Variants in EPHA6 observed in about 807,000 individuals in gnomAD.
EPHA6 encodes the protein EPH receptor A6.
In EPHA6, 50 loss-of-function variants were observed where a neutral mutation model predicts 112.0. The ratio of observed to expected loss-of-function variants is 0.45; its 90% CI spans 0.36 to 0.56. The LOEUF is 0.56. Among genes scored for constraint, EPHA6 ranks in the 20% least tolerant of loss-of-function variants. The probability of loss-of-function intolerance (pLI) is 0.00; values close to 1 mark genes in which losing one functional copy is unlikely to be tolerated. For missense variants in EPHA6, 1,280 were observed against 1,417.4 expected, an observed-to-expected ratio of 0.90 and a Z score of 1.56; for synonymous variants, 529 against 490.7, an observed-to-expected ratio of 1.08 and a Z score of -1.03.
chr3:97,469,474 T>A (rs1487852310), intron 7 of EPHA6, among the ~76,000 whole-genome samples: 1 of 151,788 alleles, frequency 6.6e-6, no homozygotes, highest in South Asian at 2.1e-4. Context: ...TTTGTTTTTG[T>A]CTTGCTTTCT....
chr3:97,386,174 G>A (rs2086056613), intron 5 of EPHA6, among the ~76,000 whole-genome samples: 2 of 152,118 alleles, frequency 1.3e-5, no homozygotes, highest in African/African-American at 4.8e-5. Context: ...CTATGAGCCT[G>A]AGAAATAAAA....
intron 3 of EPHA6, among the ~76,000 whole-genome samples, chr3:97,028,432 G>A (rs1322937436): frequency 6.6e-6 from 1 of 152,044 alleles, no homozygotes; most frequent in East Asian, 1.9e-4. Context: ...TCTTTAATAG[G>A]TGGTATGATC....
intron 3 of EPHA6, among the ~76,000 whole-genome samples, chr3:97,083,666 A>T (rs1470633646): frequency 6.6e-6 from 1 of 151,940 alleles, no homozygotes; most frequent in Admixed American, 6.6e-5. Context: ...AGTATTACCT[A>T]CAAATGAATG....
intron 2 of EPHA6, among the ~76,000 whole-genome samples, chr3:96,899,731 T>C (rs1167447021): frequency 6.6e-6 from 1 of 152,228 alleles, no homozygotes; most frequent in Non-Finnish European, 1.5e-5. Context: ...GTATTTTATT[T>C]ATAAGCAGTA....
intron 3 of EPHA6, among the ~76,000 whole-genome samples, chr3:97,093,186 C>A (rs561771480): frequency 6.6e-6 from 1 of 152,256 alleles, no homozygotes; most frequent in East Asian, 1.9e-4. Context: ...TGGTGGATAT[C>A]TAGCCATCTT....
chr3:97,601,301 C>G (rs1405184953), intron 12 of EPHA6, among the ~76,000 whole-genome samples: 1 of 152,056 alleles, frequency 6.6e-6, no homozygotes, highest in East Asian at 1.9e-4. Flanking sequence ...TCAGTATTTA[C>G]TATTTGTGCT....
At chr3:97,138,214 T>C (rs2075811535) in intron 3 of EPHA6, among the ~76,000 whole-genome samples, 1 of 152,128 alleles carries the variant, frequency 6.6e-6, no homozygotes. Flanking sequence ...CTAGACTGTC[T>C]GAGGAAGCTG....
chr3:97,455,606 T>C (rs1204247580), intron 7 of EPHA6, among the ~76,000 whole-genome samples: 2 of 152,086 alleles, frequency 1.3e-5, no homozygotes, highest in Non-Finnish European at 2.9e-5. Flanking sequence ...TGCCTTAGCA[T>C]AATGTCTTTG....
At chr3:96,978,460 T>C (rs2042619988) in intron 2 of EPHA6, among the ~76,000 whole-genome samples, 1 of 152,182 alleles carries the variant, frequency 6.6e-6, no homozygotes, top group Non-Finnish European at 1.5e-5. Flanking sequence ...CTACTAATGT[T>C]ATATTTTATG....
intron 10 of EPHA6, among the ~76,000 whole-genome samples, chr3:97,506,011 T>A (rs1356285156): frequency 1.3e-5 from 2 of 152,242 alleles, no homozygotes; most frequent in Non-Finnish European, 2.9e-5. Context: ...GTTCATATCC[T>A]TTGCCCACGT....
At position 96,829,949 on chromosome 3, in the gene EPHA6, G is replaced by GCGCACACACA. The variant is rs373416797; in HGVS notation, c.385+14942_385+14943insGCACACACAC. Among the ~76,000 whole-genome samples, 267 of 136,064 alleles carry GCGCACACACA rather than the reference G, an allele frequency of 2.0e-3. 1 individual carries two copies. Among genetic ancestry groups the GCGCACACACA allele is most frequent in the Middle Eastern group, 7.8e-3 (2 of 258 alleles). 89.3% of individuals were successfully genotyped at this position (136,064 alleles called of 152,430 possible). A position where few individuals can be genotyped will look rare whatever the true frequency, so the allele number is the denominator to read the frequency against. On this transcript the variant is annotated intron_variant, in intron 1 of 17. Coordinates refer to ENST00000389672, the MANE Select transcript of EPHA6 (RefSeq NM_001080448.3). ...CATGCACGTGCATGTGCGCGCGCGC[G>GCGCACACACA]CACACACACACACACACACACACAC... is the stretch of plus-strand genomic sequence containing the variant.
chr3:97,088,058 A>G (rs929861840), intron 3 of EPHA6, among the ~76,000 whole-genome samples: 3 of 151,876 alleles, frequency 2.0e-5, no homozygotes, highest in Non-Finnish European at 4.4e-5. Flanking sequence ...GCGTGCACCT[A>G]TAGTCCCAGC....
At chr3:97,695,589 C>T (rs546267940) in intron 14 of EPHA6, among the ~76,000 whole-genome samples, 11 of 152,232 alleles carry the variant, frequency 7.2e-5, no homozygotes, top group Admixed American at 5.9e-4. Context: ...TCACCAGGCC[C>T]GAATGCAGTG....
At chr3:97,058,864 A>G (rs1422547042) in intron 3 of EPHA6, among the ~76,000 whole-genome samples, 1 of 152,194 alleles carries the variant, frequency 6.6e-6, no homozygotes, top group African/African-American at 2.4e-5. Flanking sequence ...TATATTTTAT[A>G]TGCAAAGTGA....
intron 5 of EPHA6, among the ~76,000 whole-genome samples, chr3:97,258,400 A>G (rs1198854305): frequency 6.6e-6 from 1 of 152,090 alleles, no homozygotes; most frequent in Non-Finnish European, 1.5e-5. Flanking sequence ...CAGGACATCA[A>G]CAATAAGCAT....
chr3:97,282,084 T>C (rs1346231934), intron 5 of EPHA6, among the ~76,000 whole-genome samples: 2 of 152,204 alleles, frequency 1.3e-5, no homozygotes, highest in Non-Finnish European at 2.9e-5. Flanking sequence ...AGTTCAGTAA[T>C]TGAACACATT....
chr3:97,101,355 C>T (rs768293399), intron 3 of EPHA6, among the ~76,000 whole-genome samples: 4 of 151,948 alleles, frequency 2.6e-5, no homozygotes, highest in Non-Finnish European at 4.4e-5. Flanking sequence ...AAATCTAGTT[C>T]CTTTGTCCCC....
intron 3 of EPHA6, chr3:96,994,137 T>C: frequency 3.7e-6 from 1 of 268,334 alleles, no homozygotes; most frequent in Non-Finnish European, 7.7e-6. Context: ...ACTTTTACTC[T>C]TGCTGTATGA....
chr3:97,370,274 C>CTTCA (rs1172403304), intron 5 of EPHA6, among the ~76,000 whole-genome samples: 1 of 151,780 alleles, frequency 6.6e-6, no homozygotes, highest in Non-Finnish European at 1.5e-5. Flanking sequence ...ATAATTGCTT[C>CTTCA]TTCATTCATT....
Sources: allele counts gnomAD v4.1 joint callset (sites outside exome capture counted in the v4.1 genomes callset), GRCh38; gene constraint gnomAD v4.1.1; transcripts MANE v1.5; gene names NCBI Gene and HGNC (gene_info 2026-07-23, HGNC 2026-07-21).